The following UBAC2 variants were observed in gnomAD, a reference collection of about 807,000 sequenced individuals.
The protein encoded by UBAC2 is ubiquitin-associated domain-containing protein 2.
A neutral mutation model predicts 44.0 loss-of-function variants in UBAC2; 26 were observed. That is an observed-to-expected ratio of 0.59 (90% confidence interval 0.43 to 0.82). The LOEUF (loss-of-function observed/expected upper bound fraction) is 0.82, where lower values mean the gene tolerates loss of function less well. UBAC2 is among the 40% of genes least tolerant of loss of function. The pLI is 0.00. For synonymous variants in UBAC2, 155 were observed against 154.3 expected, an observed-to-expected ratio of 1.00 and a Z score of -0.04; for missense variants, 329 against 419.4, an observed-to-expected ratio of 0.78 and a Z score of 1.88.
At chr13:99,268,848 A>T (rs2043780221) in intron 4 of UBAC2, among the ~76,000 whole-genome samples, 1 of 151,990 alleles carries the variant, frequency 6.6e-6, no homozygotes, top group Non-Finnish European at 1.5e-5. Context: ...TGGCATCAGG[A>T]TGGGGTGGAG....
chr13:99,366,158 C>T (rs1392753839), intron 7 of UBAC2, among the ~76,000 whole-genome samples: 3 of 151,940 alleles, frequency 2.0e-5, no homozygotes, highest in African/African-American at 7.3e-5. Flanking sequence ...TTTTTTTTCA[C>T]ATCTGTTTTT....
chr13:99,361,669 G>T (rs1380661108), intron 7 of UBAC2, among the ~76,000 whole-genome samples: 2 of 152,098 alleles, frequency 1.3e-5, no homozygotes, highest in African/African-American at 2.4e-5. Context: ...TACATTGTAG[G>T]ATGTTTAGCA....
intron 4 of UBAC2, among the ~76,000 whole-genome samples, chr13:99,299,448 A>G (rs2044224379): frequency 6.7e-6 from 1 of 150,322 alleles, no homozygotes; most frequent in Non-Finnish European, 1.5e-5. Flanking sequence ...AGGGAAGCAA[A>G]TACACACACA....
chr13:99,265,442 G>T (rs1442330867), intron 4 of UBAC2, among the ~76,000 whole-genome samples: 1 of 152,220 alleles, frequency 6.6e-6, no homozygotes, highest in Non-Finnish European at 1.5e-5. Context: ...TGCCTCTGGT[G>T]TAGGATTTGC....
chr13:99,313,380 G>A (rs78596209), intron 4 of UBAC2: 9,096 of 152,278 alleles, frequency 0.06, 424 homozygotes, highest in Non-Finnish European at 0.091. Context: ...TTAGAGAGAA[G>A]CAAGACTGTA....
intron 4 of UBAC2, chr13:99,256,022 AG>A: frequency 1.5e-6 from 1 of 671,240 alleles, no homozygotes. Flanking sequence ...CATTTAATCA[AG>A]GAACGATTCA....
chr13:99,325,122 A>C (rs1594128907), intron 6 of UBAC2, among the ~76,000 whole-genome samples: 1 of 38,406 alleles, frequency 2.6e-5, no homozygotes, highest in African/African-American at 8.0e-5. Context: ...TTTTTTTTTG[A>C]TACGGAGTCT....
chr13:99,302,804 T>C (rs1201830845), intron 4 of UBAC2, among the ~76,000 whole-genome samples: 1 of 152,216 alleles, frequency 6.6e-6, no homozygotes, highest in Non-Finnish European at 1.5e-5. Context: ...AATAATACGC[T>C]GCTAACCAAC....
intron 5 of UBAC2, among the ~76,000 whole-genome samples, chr13:99,314,440 A>G (rs1239495829): frequency 1.3e-5 from 2 of 152,216 alleles, no homozygotes; most frequent in Non-Finnish European, 2.9e-5. Flanking sequence ...GAAATCTGAT[A>G]AGAGCTTTCA....
At chr13:99,324,180 T>G (rs2044606454) in intron 6 of UBAC2, among the ~76,000 whole-genome samples, 2 of 152,216 alleles carry the variant, frequency 1.3e-5, no homozygotes, top group African/African-American at 4.8e-5. Flanking sequence ...TTGTGGTAGA[T>G]TTTTTACTCT....
chr13:99,292,016 A>T (rs1306773455), intron 4 of UBAC2, among the ~76,000 whole-genome samples: 1 of 152,198 alleles, frequency 6.6e-6, no homozygotes, highest in Non-Finnish European at 1.5e-5. Flanking sequence ...TTTAAGGATT[A>T]TGAAGTCGGC....
At chr13:99,334,052 C>A (rs4771328) in intron 6 of UBAC2, among the ~76,000 whole-genome samples, 1 of 152,182 alleles carries the variant, frequency 6.6e-6, no homozygotes, top group Non-Finnish European at 1.5e-5. Flanking sequence ...GGTCAAGTGA[C>A]CCTCCCACAT....
chr13:99,289,309 G>A (rs2044060319), intron 4 of UBAC2, among the ~76,000 whole-genome samples: 1 of 152,248 alleles, frequency 6.6e-6, no homozygotes, highest in Non-Finnish European at 1.5e-5. Context: ...TGATTTGGAT[G>A]TAAGTGTAAA....
intron 4 of UBAC2, chr13:99,296,065 G>A (rs2044167164): frequency 1.2e-6 from 2 of 1,613,944 alleles, no homozygotes; most frequent in Non-Finnish European, 1.7e-6. Flanking sequence ...TGGCCGTGCT[G>A]TGATGTGCAT....
At chr13:99,242,930 G>A (rs1173237517) in intron 2 of UBAC2, among the ~76,000 whole-genome samples, 1 of 150,048 alleles carries the variant, frequency 6.7e-6, no homozygotes, top group African/African-American at 2.5e-5. Flanking sequence ...GGGTAGAGAC[G>A]CTCCTCACTT....
At chr13:99,232,812 T>A (rs1210823161) in intron 1 of UBAC2, among the ~76,000 whole-genome samples, 1 of 151,910 alleles carries the variant, frequency 6.6e-6, no homozygotes, top group East Asian at 2.0e-4. Context: ...CATGGGGCCT[T>A]GCCCCTGTAA....
chr13:99,380,633 C>CGTCA (rs1178205450), intron 8 of UBAC2, among the ~76,000 whole-genome samples: 1 of 152,220 alleles, frequency 6.6e-6, no homozygotes, highest in East Asian at 1.9e-4. Flanking sequence ...TATCCCCTGA[C>CGTCA]CCTTCTCGTC....
intron 4 of UBAC2, chr13:99,255,967 A>G: frequency 8.3e-7 from 1 of 1,208,148 alleles, no homozygotes; most frequent in South Asian, 1.6e-5. Context: ...AATGCTTAAC[A>G]TTCTCCCACT....
intron 4 of UBAC2, chr13:99,308,914 A>G (rs944020421): frequency 2.0e-5 from 3 of 152,246 alleles, no homozygotes; most frequent in Admixed American, 2.0e-4. Flanking sequence ...ATCATATTCT[A>G]GAACTAGTTC....
Sources: gnomAD v4.1 joint callset for allele counts (sites outside exome capture counted in the v4.1 genomes callset) on GRCh38, gnomAD v4.1.1 for gene constraint, MANE v1.5 for transcripts, NCBI Gene and HGNC (gene_info 2026-07-23, HGNC 2026-07-21) for gene names.